The following SOBP variants were observed in gnomAD, a reference collection of about 807,000 sequenced individuals.
SOBP encodes sine oculis binding protein homolog.
SOBP carries 4 observed loss-of-function variants against 53.6 expected under a neutral mutation model. The ratio of observed to expected loss-of-function variants is 0.07; its 90% confidence interval spans 0.04 to 0.17. SOBP has a LOEUF of 0.17. SOBP is among the 10% of genes least tolerant of loss of function. SOBP has a pLI of 1.00. For missense variants in SOBP, 1,088 were observed against 1,204.7 expected (o/e 0.90, Z 1.43); for synonymous variants, 584 against 522.6 (o/e 1.12, Z -1.60).
chr6:107,634,764 C>T lies in SOBP; in HGVS notation c.1920C>T (p.Leu640=), dbSNP rs1257842955. 2 of 1,349,994 alleles carry T rather than the reference C, an allele frequency of 1.5e-6. No individual in the cohort carries two copies. Among genetic ancestry groups the T allele is most frequent in the South Asian group, 1.8e-5 (1 of 54,646 alleles). 83.6% of individuals were successfully genotyped at this position (1,349,994 alleles called of 1,614,324 possible). The part of the protein sequence containing the change: ...PPGPPGAGGQ[L]GFPGVLQGPQ... ...GCCCCCCGGGCGCGGGCGGCCAGCT[C>T]GGCTTCCCAGGCGTGCTGCAGGGCC... is the stretch of plus-strand genomic sequence containing the variant. The change falls in exon 6 of 7, where the codon CTC becomes CTT. Residue 640 remains leucine (L), a synonymous_variant. Transcript: ENST00000317357. This position sits in a 1 kb window ranked among gnomAD's most constrained non-coding sequence, Gnocchi z 4.5.
At chr6:107,552,710 T>C (rs149430888) in intron 4 of SOBP, among the ~76,000 whole-genome samples, 2 of 151,876 alleles carry the variant, frequency 1.3e-5, no homozygotes, top group East Asian at 3.9e-4. Context: ...ATCAGGGGAG[T>C]TGATGGGAGA....
chr6:107,528,746 C>A (rs999435600), intron 3 of SOBP, among the ~76,000 whole-genome samples: 3 of 152,122 alleles, frequency 2.0e-5, no homozygotes, highest in Non-Finnish European at 4.4e-5. Context: ...AGCTTTTAGT[C>A]CTTTTTGTGG....
chr6:107,542,657 C>A (rs1031852975), intron 4 of SOBP, among the ~76,000 whole-genome samples: 1 of 152,052 alleles, frequency 6.6e-6, no homozygotes, highest in Non-Finnish European at 1.5e-5. Context: ...CTAAAAATAT[C>A]TTATTCACTG....
chr6:107,586,966 ATTG>A, intron 4 of SOBP, 111 bp from the exon 5 acceptor site: 1 of 827,510 alleles, frequency 1.2e-6, no homozygotes, highest in South Asian at 1.4e-5. Flanking sequence ...ACTTCTTAAT[ATTG>A]TTGTTATTTC....
intron 6 of SOBP, among the ~76,000 whole-genome samples, chr6:107,656,329 A>C (rs1419078591): frequency 0.11 from 723 of 6,606 alleles, 12 homozygotes; most frequent in African/African-American, 0.17. Context: ...GAAAGAAAGA[A>C]AGAAAGAAAG....
In SOBP at chr6:107,561,969, A is replaced by G. The variant is rs549078549; in HGVS notation, c.574-25111A>G. ...TCAAAAGAGATGACAAAAATCATGT[A>G]TTCTTTGAACTAAAATATTACTACA... On this transcript the variant is annotated intron_variant, in intron 4 of 6. Transcript: ENST00000317357. Among the ~76,000 whole-genome samples, 113 of 151,040 alleles carry G rather than the reference A, an allele frequency of 7.5e-4. 1 individual carries two copies. The highest frequency in any genetic ancestry group is 2.6e-3 in the African/African-American group (108 of 41,180).
At chr6:107,563,189 C>T (rs1289075710) in intron 4 of SOBP, among the ~76,000 whole-genome samples, 1 of 151,964 alleles carries the variant, frequency 6.6e-6, no homozygotes, top group East Asian at 1.9e-4. Flanking sequence ...CCCAGGAGGT[C>T]AAGGATGTGG....
chr6:107,557,622 A>C (rs6929555), intron 4 of SOBP, among the ~76,000 whole-genome samples: 9,007 of 152,270 alleles, frequency 0.059, 499 homozygotes, highest in East Asian at 0.24. Context: ...AGTGCCAGGT[A>C]GTGGATTTGA....
intron 5 of SOBP, among the ~76,000 whole-genome samples, chr6:107,622,529 C>T (rs1469587491): frequency 1.3e-5 from 2 of 152,156 alleles, no homozygotes; most frequent in African/African-American, 2.4e-5. Flanking sequence ...AGTCTCTCTG[C>T]CAATGCAGAG....
At chr6:107,525,080 C>A (rs1181564632) in intron 3 of SOBP, among the ~76,000 whole-genome samples, 2 of 152,140 alleles carry the variant, frequency 1.3e-5, no homozygotes, top group Non-Finnish European at 2.9e-5. Context: ...CATGTAAGTA[C>A]CCTATGGGCT....
rs745390666 is a variant in SOBP at position 107,506,291 on chromosome 6, A to G, written c.285A>G (p.Pro95=). Residue 95 remains proline, a synonymous_variant, in exon 3 of 7, where the codon CCA becomes CCG. Transcript: ENST00000317357. The part of the protein sequence containing the change: ...PKLPEDSVIS[P]YNISTGYSGL... ...TACCCGAGGACAGTGTTATTTCACC[A>G]TACAATATAAGCACAGGCTATTCAG... is the stretch of plus-strand genomic sequence containing the variant. The G allele has an allele frequency of 1.9e-6, 3 of 1,614,206 alleles. No homozygotes were observed. Among genetic ancestry groups the G allele is most frequent in the East Asian group, 2.2e-5 (1 of 44,892 alleles).
intron 5 of SOBP, among the ~76,000 whole-genome samples, chr6:107,610,499 G>A (rs935635697): frequency 1.6e-4 from 24 of 152,204 alleles, no homozygotes; most frequent in African/African-American, 5.5e-4. Flanking sequence ...TTGCTCGGAA[G>A]GTCCTCGCAG....
chr6:107,561,476 C>T (rs1430371470), intron 4 of SOBP, among the ~76,000 whole-genome samples: 1 of 152,146 alleles, frequency 6.6e-6, no homozygotes, highest in Non-Finnish European at 1.5e-5. Flanking sequence ...ACCCCTGCCC[C>T]GACTGAGGAG....
At chr6:107,498,938 A>G (rs569973460) in intron 1 of SOBP, among the ~76,000 whole-genome samples, 1 of 152,318 alleles carries the variant, frequency 6.6e-6, no homozygotes, top group Non-Finnish European at 1.5e-5. Context: ...AGTCAGATGT[A>G]GTATCAAAAC....
At chr6:107,537,221 A>G (rs933721776) in intron 4 of SOBP, among the ~76,000 whole-genome samples, 1 of 152,236 alleles carries the variant, frequency 6.6e-6, no homozygotes, top group African/African-American at 2.4e-5. Context: ...TCTTGTAACC[A>G]TTATCCCTCT....
At chr6:107,614,757 G>A (rs1240852428) in intron 5 of SOBP, among the ~76,000 whole-genome samples, 1 of 152,204 alleles carries the variant, frequency 6.6e-6, no homozygotes. Context: ...TGACCCTGAG[G>A]TTTCAAAAAT....
chr6:107,586,316 G>A (rs983410251), intron 4 of SOBP, among the ~76,000 whole-genome samples: 3 of 152,164 alleles, frequency 2.0e-5, no homozygotes, highest in African/African-American at 4.8e-5. Flanking sequence ...TTTAATGAGT[G>A]TGCTGCAGAC....
At chr6:107,627,966 G>A (rs1484390732) in intron 5 of SOBP, among the ~76,000 whole-genome samples, 1 of 152,196 alleles carries the variant, frequency 6.6e-6, no homozygotes, top group Admixed American at 6.5e-5. Context: ...GCCATGGCAG[G>A]TTGGGGTCAT....
chr6:107,493,983 A>G (rs1230736152), intron 1 of SOBP, among the ~76,000 whole-genome samples: 1 of 152,272 alleles, frequency 6.6e-6, no homozygotes, highest in African/African-American at 2.4e-5. Context: ...TATGAAAAGT[A>G]CATGACTTGG....
Sources: gnomAD v4.1 joint callset for allele counts (sites outside exome capture counted in the v4.1 genomes callset) on GRCh38, gnomAD v4.1.1 for gene constraint, Gnocchi (gnomAD v3.1) non-coding constraint, MANE v1.5 for transcripts, NCBI Gene and HGNC (gene_info 2026-07-23, HGNC 2026-07-21) for gene names.